Variants in DCXR observed in about 807,000 individuals in gnomAD.
DCXR encodes dicarbonyl and L-xylulose reductase, also known as L-xylulose reductase.
A neutral mutation model predicts 25.9 loss-of-function variants in DCXR; 24 were observed. That is an observed-to-expected ratio of 0.93 (90% CI 0.67 to 1.30). The LOEUF is 1.30. DCXR is among the 50% of genes most tolerant of loss of function. The probability of loss-of-function intolerance (pLI) is 0.00; values close to 1 mark genes in which losing one functional copy is unlikely to be tolerated. For missense variants in DCXR, 348 were observed against 333.7 expected (o/e 1.04, Z -0.33); for synonymous variants, 161 against 141.7 (o/e 1.14, Z -0.97).
intron 4 of DCXR, 33 bp downstream of exon 4, chr17:82,036,688 G>A (rs2043495497): frequency 3.1e-6 from 5 of 1,613,490 alleles, no homozygotes; most frequent in Middle Eastern, 1.6e-4. Context: ...CATCACTCAC[G>A]AGAATTCCCG....
rs113465430 is a variant in DCXR at position 82,035,945 on chromosome 17, G to A, written c.*15C>T. The A allele has an allele frequency of 6.2e-7, 1 of 1,605,310 alleles. No individual in the cohort carries two copies. Reference sequence around the variant, plus strand: ...GGATGAGCACGGCATGGGGCTTGAGGTGTGTGGAGGGAGCTCAGCAGGCCC... The same window carrying A: ...GGATGAGCACGGCATGGGGCTTGAGATGTGTGGAGGGAGCTCAGCAGGCCC... On this transcript the variant is annotated 3_prime_UTR_variant, in exon 8 of 8. Transcript: ENST00000306869.
chr17:82,036,667 G>C, intron 4 of DCXR, 24 bp from the exon 5 acceptor site: 1 of 1,613,440 alleles, frequency 6.2e-7, no homozygotes, highest in Non-Finnish European at 8.5e-7. Context: ...GAGACCGTGA[G>C]GCAGAGCTGG....
Position 82,037,528 on chromosome 17 carries a change from G to A in DCXR, c.72C>T (p.Val24=), listed in dbSNP as rs1464873938. The part of the protein sequence containing the change: ...GAGKGIGRGT[V]QALHATGARV... ...GCGCGCCCGTCGCGTGCAGCGCCTG[G>A]ACCGTGCCGCGCCCTATACCTGCCG... The change falls in exon 2 of 8, where the codon GTC becomes GTT. Residue 24 remains valine, a synonymous_variant. Coordinates refer to ENST00000306869, the MANE Select transcript of DCXR (RefSeq NM_016286.4). 1.9e-6 allele frequency: 3 copies of A among 1,545,164 alleles called. No homozygotes were observed. Among genetic ancestry groups the A allele is most frequent in the Non-Finnish European group, 2.6e-6 (3 of 1,152,026 alleles).
At position 82,037,436 on chromosome 17, in the gene DCXR, C is replaced by T. The variant is rs2043505392; in HGVS notation, c.150+14G>A. On this transcript the variant is annotated intron_variant, in intron 2 of 7. Transcript: ENST00000306869. ...GCTCGCCGCCTCGCAGCGCTGGGACCCGGCGGGACCTACCTCGCGGACAAG... is the reference window on the plus strand; with the variant it reads ...GCTCGCCGCCTCGCAGCGCTGGGACTCGGCGGGACCTACCTCGCGGACAAG... 1.3e-6 allele frequency: 2 copies of T among 1,522,536 alleles called. No individual in the cohort carries two copies. The highest frequency in any genetic ancestry group is 2.9e-5 in the African/African-American group (2 of 69,990). 94.3% of individuals were successfully genotyped at this position (1,522,536 alleles called of 1,614,324 possible). A position where few individuals can be genotyped will look rare whatever the true frequency, so the allele number is the denominator to read the frequency against.
chr17:82,037,381 ACCG>A, intron 2 of DCXR, 66 bp downstream of exon 2: 1 of 1,441,180 alleles, frequency 6.9e-7, no homozygotes, highest in East Asian at 2.8e-5. Context: ...GCACAGAGGT[ACCG>A]CCCCCGCTCG....
Position 82,035,901 on chromosome 17 carries a change from AT to A in DCXR, c.*58del. 5 of 1,437,956 alleles carry A rather than the reference AT, an allele frequency of 3.5e-6. No homozygotes were observed. The highest frequency in any genetic ancestry group is 4.9e-6 in the Non-Finnish European group (5 of 1,027,556). The allele number at this position is 1,437,956 out of a possible 1,614,324, so 89.1% of individuals were successfully genotyped here. On this transcript the variant is annotated 3_prime_UTR_variant, in exon 8 of 8. Transcript: ENST00000306869. ...TAGTCTGGGCAGCAGAATCAGGTTT[AT>A]TGGAGGGATTGGGGGTAGGATGAGC...
At chr17:82,037,053 C>T (rs1390300367) in intron 2 of DCXR, 40 bp from the exon 3 acceptor site, 1 of 1,547,992 alleles carries the variant, frequency 6.5e-7, no homozygotes, top group Non-Finnish European at 8.7e-7. Flanking sequence ...GCTCTGTGCC[C>T]AGCAAGCGGC....
Position 82,036,391 on chromosome 17 carries a change from G to A in DCXR, c.506C>T (p.Pro169Leu), listed in dbSNP as rs2144168297. The change falls in exon 6 of 8, where the codon CCC becomes CTC. Residue 169 changes from proline (P) to leucine (L), a missense_variant. Transcript: ENST00000306869. ...LTKVMALELG[P>L]HKIRVNAVNP... ...TACCCCAGCCCTGCTCACCTTGTGG[G>A]GCCCGAGCTCTAGGGCCATCACCTT... 6.2e-7 allele frequency: 1 copy of A among 1,613,378 alleles called. No homozygotes were observed. Among genetic ancestry groups the A allele is most frequent in the Non-Finnish European group, 8.5e-7 (1 of 1,179,974 alleles).
chr17:82,036,514 T>G lies in DCXR; in HGVS notation c.448+30A>C, dbSNP rs761927545. On this transcript the variant is annotated intron_variant, in intron 5 of 7. Coordinates refer to ENST00000306869, the MANE Select transcript of DCXR (RefSeq NM_016286.4). ...GATGAGGGCGAGGCTGGGGCTGGGG[T>G]GGGGCTGAGGGCACAGCTGGGGCAC... 10 of 1,611,262 alleles carry G rather than the reference T, an allele frequency of 6.2e-6. No homozygotes were observed. In the South Asian group the frequency reaches 1.1e-4, roughly 18 times the overall value.
chr17:82,037,479 G>C lies in DCXR; in HGVS notation c.121C>G (p.Gln41Glu). 1 of 1,535,266 alleles carries C rather than the reference G, an allele frequency of 6.5e-7. No individual in the cohort carries two copies. The highest frequency in any genetic ancestry group is 8.7e-7 in the Non-Finnish European group (1 of 1,147,770). ...GARVVAVSRTQADLDSLVREC... is the reference protein window; with the variant it reads ...GARVVAVSRTEADLDSLVREC... ...CGGACAAGGCTGTCAAGATCCGCCT[G>C]AGTCCGGCTCACAGCCACCACCCGC... Residue 41 changes from glutamine (Q) to glutamate (E), a missense_variant, in exon 2 of 8, where the codon CAG (glutamine) becomes GAG (glutamate). Coordinates refer to ENST00000306869, the MANE Select transcript of DCXR (RefSeq NM_016286.4).
chr17:82,036,651 C>T lies in DCXR; in HGVS notation c.349-8G>A, dbSNP rs755658533. The T allele has an allele frequency of 6.8e-6, 11 of 1,613,378 alleles. No homozygotes were observed. Among genetic ancestry groups the T allele is most frequent in the Middle Eastern group, 1.6e-4 (1 of 6,062 alleles). ...TAAGCCCCTGGCCACAATCTGGAATCGCAGCGAGACCGTGAGGCAGAGCTG... is the reference window on the plus strand; with the variant it reads ...TAAGCCCCTGGCCACAATCTGGAATTGCAGCGAGACCGTGAGGCAGAGCTG... On this transcript the variant is annotated splice_region_variant and splice_polypyrimidine_tract_variant and intron_variant, in intron 4 of 7. Coordinates refer to ENST00000306869, the MANE Select transcript of DCXR (RefSeq NM_016286.4).
Position 82,037,686 on chromosome 17 carries a change from G to A in DCXR, c.-4C>T. 7 of 1,589,248 alleles carry A rather than the reference G, an allele frequency of 4.4e-6. No individual in the cohort carries two copies. The highest frequency in any genetic ancestry group is 1.3e-5 in the African/African-American group (1 of 74,824). On this transcript the variant is annotated 5_prime_UTR_variant, in exon 1 of 8. Coordinates refer to ENST00000306869, the MANE Select transcript of DCXR (RefSeq NM_016286.4). ...GGCCCGCGAGGAACAGCTCCATGTC[G>A]GCGCAGTCTCCGCCCTCCGCACTGG... is the stretch of plus-strand genomic sequence containing the variant.
Position 82,036,235 on chromosome 17 carries a change from T to G in DCXR, c.587A>C (p.Lys196Thr), listed in dbSNP as rs1009552678. 2.5e-6 allele frequency: 4 copies of G among 1,613,556 alleles called. No individual in the cohort carries two copies. Among genetic ancestry groups the G allele is most frequent in the Non-Finnish European group, 2.5e-6 (3 of 1,180,024 alleles). Residue 196 changes from lysine to threonine, a missense_variant, in exon 7 of 8, where the codon AAG becomes ACG. Lys to Thr is a moderately conservative substitution (Grantham distance 78). Transcript: ENST00000306869. ...GATTCGGTTCAGCATAGTCTTGGCCTTGTGGGGGTCACTCCAGGTGGCCTG... is the reference window on the plus strand; with the variant it reads ...GATTCGGTTCAGCATAGTCTTGGCCGTGTGGGGGTCACTCCAGGTGGCCTG... ...MGQATWSDPH[K>T]AKTMLNRIPL...
chr17:82,037,253 C>T (rs970865816), intron 2 of DCXR, 197 bp downstream of exon 2: 25 of 849,338 alleles, frequency 2.9e-5, no homozygotes, highest in South Asian at 5.4e-5. Context: ...AGCCCGGGGG[C>T]CCCGGCGGCT....
chr17:82,037,542 C>T lies in DCXR; in HGVS notation c.58G>A (p.Gly20Arg). 6.5e-7 allele frequency: 1 copy of T among 1,544,664 alleles called. No individual in the cohort carries two copies. Among genetic ancestry groups the T allele is most frequent in the Non-Finnish European group, 8.7e-7 (1 of 1,151,396 alleles). ...VLVTGAGKGI[G>R]RGTVQALHAT... ...TGCAGCGCCTGGACCGTGCCGCGCCCTATACCTGCCGGGAGCGGGCTCAGT... is the reference window on the plus strand; with the variant it reads ...TGCAGCGCCTGGACCGTGCCGCGCCTTATACCTGCCGGGAGCGGGCTCAGT... Residue 20 changes from glycine to arginine, a missense_variant, in exon 2 of 8, where the codon GGG becomes AGG. Gly to Arg is a moderately radical substitution (Grantham distance 125). Transcript: ENST00000306869.
rs111359621 is a variant in DCXR at position 82,035,934 on chromosome 17, T to C, written c.*26A>G. ...GATTGGGGGTAGGATGAGCACGGCATGGGGCTTGAGGTGTGTGGAGGGAGC... is the reference window on the plus strand; with the variant it reads ...GATTGGGGGTAGGATGAGCACGGCACGGGGCTTGAGGTGTGTGGAGGGAGC... On this transcript the variant is annotated 3_prime_UTR_variant, in exon 8 of 8. Transcript: ENST00000306869. The C allele has an allele frequency of 1.1e-5, 17 of 1,589,470 alleles. No individual in the cohort carries two copies. In the African/African-American group the frequency reaches 1.2e-4, roughly 11 times the overall value.
At position 82,037,617 on chromosome 17, in the gene DCXR, T is replaced by C. The variant is rs746440343; in HGVS notation, c.52+14A>G. 3.9e-5 allele frequency: 62 copies of C among 1,573,340 alleles called. No individual in the cohort carries two copies. In the South Asian group the frequency reaches 4.1e-4, roughly 10 times the overall value. ...CCCGCCGCCGGCCTTTGCCCACCTT[T>C]CCCCGCCGCCCACCTTTGCCTGCCC... On this transcript the variant is annotated intron_variant, in intron 1 of 7. Transcript: ENST00000306869.
chr17:82,036,666 A>G (rs773234858), intron 4 of DCXR, 23 bp from the exon 5 acceptor site: 2 of 1,613,444 alleles, frequency 1.2e-6, no homozygotes, highest in East Asian at 4.5e-5. Flanking sequence ...CGAGACCGTG[A>G]GGCAGAGCTG....
At chr17:82,036,476 G>A (rs201185898) in intron 5 of DCXR, 28 bp from the exon 6 acceptor site, 1 of 1,613,294 alleles carries the variant, frequency 6.2e-7, no homozygotes, top group Non-Finnish European at 8.5e-7. Flanking sequence ...AGCTGGCTGG[G>A]GCTGGGGTCG....
Sources: allele counts gnomAD v4.1 joint callset, GRCh38; gene constraint gnomAD v4.1.1; transcripts MANE v1.5; gene names NCBI Gene and HGNC (gene_info 2026-07-23, HGNC 2026-07-21).